The following SERPINA5 variants were observed in gnomAD, a reference collection of about 807,000 sequenced individuals.
SERPINA5 encodes the protein serpin family A member 5, also known as plasma serine protease inhibitor.
Under a neutral mutation model 25.3 loss-of-function variants are expected in SERPINA5, and 25 were observed. The observed-to-expected ratio is 0.99, with a 90% confidence interval of 0.72 to 1.38. The LOEUF (loss-of-function observed/expected upper bound fraction) is 1.38, where lower values mean the gene tolerates loss of function less well. SERPINA5 is among the 40% of genes most tolerant of loss of function. The probability of loss-of-function intolerance (pLI) is 0.00; values close to 1 mark genes in which losing one functional copy is unlikely to be tolerated. For synonymous variants in SERPINA5, 234 were observed against 206.2 expected, an observed-to-expected ratio of 1.14 and a Z score of -1.16; for missense variants, 599 against 509.5, an observed-to-expected ratio of 1.18 and a Z score of -1.69.
At chr14:94,586,529 G>C (rs1280392390) in intron 2 of SERPINA5, among the ~76,000 whole-genome samples, 1 of 152,108 alleles carries the variant, frequency 6.6e-6, no homozygotes, top group Non-Finnish European at 1.5e-5. Context: ...TTGGGTTGGG[G>C]CCCACTCTAG....
intron 5 of SERPINA5, among the ~76,000 whole-genome samples, chr14:94,591,592 C>CTATTCTATTCTATTCTATTG (rs1885302223): frequency 1.3e-5 from 2 of 150,716 alleles, no homozygotes; most frequent in African/African-American, 4.9e-5. Context: ...CTATTCTATT[C>CTATTCTATTCTATTCTATTG]TATTCTATTC....
Position 94,587,492 on chromosome 14 carries a change from A to G in SERPINA5, c.130A>G (p.Ser44Gly), listed in dbSNP as rs2069975. 2.8e-4 allele frequency: 449 copies of G among 1,614,100 alleles called. 1 individual carries two copies. In the African/African-American group the frequency reaches 4.9e-3, roughly 18 times the overall value. ...LHVGATVAPS[S>G]RRDFTFDLYR... ...TGTAGGTGCCACGGTGGCCCCCAGC[A>G]GCAGAAGGGACTTTACCTTTGACCT... Residue 44 changes from serine to glycine, a missense_variant, in exon 3 of 6, where the codon AGC becomes GGC. By Grantham distance (56) the Ser-to-Gly change is moderately conservative. Transcript: ENST00000329597.
Position 94,587,582 on chromosome 14 carries a change from A to C in SERPINA5, c.220A>C (p.Met74Leu), listed in dbSNP as rs1446003390. Residue 74 changes from methionine to leucine, a missense_variant, in exon 3 of 6, where the codon ATG becomes CTG. By Grantham distance (15) the Met-to-Leu change is conservative. Transcript: ENST00000329597. The part of the protein sequence containing the change: ...SIFFSPVSIS[M>L]SLAMLSLGAG... Reference sequence around the variant, plus strand: ...CTTCTTCTCCCCTGTGAGCATCTCCATGAGCCTGGCCATGCTCTCCCTGGG... The same window carrying C: ...CTTCTTCTCCCCTGTGAGCATCTCCCTGAGCCTGGCCATGCTCTCCCTGGG... The C allele has an allele frequency of 1.2e-6, 2 of 1,613,900 alleles. No individual in the cohort carries two copies. The highest frequency in any genetic ancestry group is 1.1e-5 in the South Asian group (1 of 91,070).
rs756490174 is a variant in SERPINA5, at chr14:94,590,858, T to G, written c.1000T>G (p.Ser334Ala). Reference sequence around the variant, plus strand: ...CGTCTTCACCTCCCATGCTGATCTGTCCGGCATCAGCAACCACTCAAATAT... The same window carrying G: ...CGTCTTCACCTCCCATGCTGATCTGGCCGGCATCAGCAACCACTCAAATAT... ...SNVFTSHADLSGISNHSNIQV... is the reference protein window; with the variant it reads ...SNVFTSHADLAGISNHSNIQV... Residue 334 changes from serine to alanine, a missense_variant, in exon 5 of 6, where the codon TCC (serine) becomes GCC (alanine). Physicochemically the swap from Ser to Ala is moderately conservative, Grantham distance 99. Transcript: ENST00000329597. 3 of 1,613,404 alleles carry G rather than the reference T, an allele frequency of 1.9e-6. No homozygotes were observed. In the African/African-American group the frequency reaches 4.0e-5, roughly 22 times the overall value.
At chr14:94,584,680 G>T (rs78447753) in intron 2 of SERPINA5, among the ~76,000 whole-genome samples, 2 of 152,168 alleles carry the variant, frequency 1.3e-5, no homozygotes, top group African/African-American at 4.8e-5. Flanking sequence ...GGAGGCCAGG[G>T]CCTCACTGAG....
At chr14:94,588,294 A>G (rs750300180) in intron 3 of SERPINA5, among the ~76,000 whole-genome samples, 10 of 152,144 alleles carry the variant, frequency 6.6e-5, no homozygotes, top group African/African-American at 1.2e-4. Flanking sequence ...TGTGGCCACC[A>G]TGGCAAAGAC....
intron 2 of SERPINA5, among the ~76,000 whole-genome samples, chr14:94,585,432 A>G (rs989465005): frequency 2.0e-5 from 3 of 152,124 alleles, no homozygotes; most frequent in Non-Finnish European, 2.9e-5. Flanking sequence ...GAGCTATTCA[A>G]CTTCACTTAA....
rs369065976 is a variant in SERPINA5 at position 94,590,135 on chromosome 14, C to T, written c.714C>T (p.Arg238=). ...ETVVRVPMMS[R]EDQYHYLLDR... The stretch of plus-strand genomic sequence containing the variant: ...TGGTGCGGGTACCCATGATGAGCCG[C>T]GAGGATCAGTATCACTACCTCCTGG... Residue 238 remains arginine (R), a synonymous_variant, in exon 4 of 6, where the codon CGC becomes CGT. Transcript: ENST00000329597. The T allele has an allele frequency of 8.4e-5, 136 of 1,613,982 alleles. No homozygotes were observed. Among genetic ancestry groups the T allele is most frequent in the Middle Eastern group, 3.3e-4 (2 of 6,084 alleles).
At chr14:94,591,569 A>ATTCTATTCTATTCTATTCTG (rs1885298536) in intron 5 of SERPINA5, among the ~76,000 whole-genome samples, 12 of 147,904 alleles carry the variant, frequency 8.1e-5, no homozygotes, top group Non-Finnish European at 1.3e-4. Context: ...ATTCTATTCT[A>ATTCTATTCTATTCTATTCTG]TTCTATTCTA....
chr14:94,591,265 A>C (rs1451832115), intron 5 of SERPINA5, among the ~76,000 whole-genome samples: 14 of 72,610 alleles, frequency 1.9e-4, no homozygotes, highest in African/African-American at 3.4e-4. Flanking sequence ...CCACTCCTCC[A>C]CTCCACTCCT....
At chr14:94,585,365 T>G (rs1467526167) in intron 2 of SERPINA5, among the ~76,000 whole-genome samples, 2 of 152,044 alleles carry the variant, frequency 1.3e-5, no homozygotes, top group Non-Finnish European at 2.9e-5. Context: ...TGAGGCTCCT[T>G]CTCGGAAGGA....
intron 2 of SERPINA5, among the ~76,000 whole-genome samples, chr14:94,586,108 G>A (rs1200955875): frequency 6.6e-6 from 1 of 152,148 alleles, no homozygotes. Context: ...AGCCAGATGG[G>A]GAGGCATGGG....
chr14:94,583,926 C>A (rs1189052698), intron 2 of SERPINA5, among the ~76,000 whole-genome samples: 2 of 152,164 alleles, frequency 1.3e-5, no homozygotes, highest in Non-Finnish European at 2.9e-5. Context: ...CCCAAGAGTG[C>A]GATGGCAAAC....
chr14:94,586,605 T>A (rs911857040), intron 2 of SERPINA5, among the ~76,000 whole-genome samples: 4 of 152,166 alleles, frequency 2.6e-5, no homozygotes, highest in Admixed American at 2.0e-4. Flanking sequence ...CATTCTGGGG[T>A]ATTGAAGGTA....
At chr14:94,585,153 C>T (rs1885034533) in intron 2 of SERPINA5, among the ~76,000 whole-genome samples, 1 of 152,168 alleles carries the variant, frequency 6.6e-6, no homozygotes, top group Non-Finnish European at 1.5e-5. Flanking sequence ...CAAGCTTTGC[C>T]AGTGTTAGCA....
At chr14:94,590,540 C>G in intron 4 of SERPINA5, 1 of 787,946 alleles carries the variant, frequency 1.3e-6, no homozygotes, top group Non-Finnish European at 1.9e-6. Flanking sequence ...GCAGAGACCT[C>G]TGGGCAGCCC....
rs1162049015 is a variant in SERPINA5 at position 94,592,054 on chromosome 14, C to T, written c.1039-3C>T. The stretch of plus-strand genomic sequence containing the variant: ...CTGGTGATGCCTGGTGTCTCCCCTG[C>T]AGATGGTGCACAAAGCTGTGGTGGA... On this transcript the variant is annotated splice_region_variant and splice_polypyrimidine_tract_variant and intron_variant, in intron 5 of 5. Coordinates refer to ENST00000329597, the MANE Select transcript of SERPINA5 (RefSeq NM_000624.6). 8.1e-6 allele frequency: 13 copies of T among 1,610,792 alleles called. No individual in the cohort carries two copies. Among genetic ancestry groups the T allele is most frequent in the Non-Finnish European group, 1.1e-5 (13 of 1,178,376 alleles).
chr14:94,589,526 G>A lies in SERPINA5; in HGVS notation c.620-515G>A, dbSNP rs571052035. Among the ~76,000 whole-genome samples, 174 of 152,180 alleles carry A rather than the reference G, an allele frequency of 1.1e-3. 1 individual carries two copies. Among genetic ancestry groups the A allele is most frequent in the African/African-American group, 3.0e-3 (125 of 41,558 alleles). On this transcript the variant is annotated intron_variant, in intron 3 of 5. Coordinates refer to ENST00000329597, the MANE Select transcript of SERPINA5 (RefSeq NM_000624.6). ...GAAGTTGGAAACAATCACTTGTAGC[G>A]TTTTGTTCAGAAGTTCCCATAGGAA...
intron 2 of SERPINA5, among the ~76,000 whole-genome samples, chr14:94,585,826 A>C (rs1885063014): frequency 6.6e-6 from 1 of 151,068 alleles, no homozygotes; most frequent in African/African-American, 2.4e-5. Flanking sequence ...CCTATGGTAC[A>C]GTTGAGAATA....
Sources: gnomAD v4.1 joint callset for allele counts (sites outside exome capture counted in the v4.1 genomes callset) on GRCh38, gnomAD v4.1.1 for gene constraint, MANE v1.5 for transcripts, NCBI Gene and HGNC (gene_info 2026-07-23, HGNC 2026-07-21) for gene names.